Variants in PSME4 observed in about 807,000 individuals in gnomAD.
PSME4 encodes the protein proteasome activator complex subunit 4.
In PSME4, 89 loss-of-function variants were observed where a neutral mutation model predicts 253.9. The ratio of observed to expected loss-of-function variants is 0.35; its 90% CI spans 0.30 to 0.42. The LOEUF is 0.42. PSME4 is among the 10% of genes least tolerant of loss of function. The pLI, the probability that PSME4 is intolerant of heterozygous loss-of-function variation, is 1.00. For missense variants in PSME4, 2,014 were observed against 2,195.2 expected, an observed-to-expected ratio of 0.92 and a Z score of 1.65; for synonymous variants, 851 against 759.2, an observed-to-expected ratio of 1.12 and a Z score of -1.99.
chr2:53,872,186 C>A (rs1485260609), intron 43 of PSME4, among the ~76,000 whole-genome samples: 2 of 152,152 alleles, frequency 1.3e-5, no homozygotes, highest in Non-Finnish European at 2.9e-5. Flanking sequence ...ATATTTTACT[C>A]CAGGGTACAT....
rs1314518096 is a variant in PSME4, at chr2:53,873,247, AG to A, written c.5100+1091del. 2.6e-3 allele frequency among the ~76,000 whole-genome samples: 391 copies of A among 149,774 alleles called. 4 individuals are homozygous for A. Among genetic ancestry groups the A allele is most frequent in the Non-Finnish European group, 5.0e-3 (336 of 67,008 alleles). On this transcript the variant is annotated intron_variant, in intron 43 of 46. Coordinates refer to ENST00000404125, the MANE Select transcript of PSME4 (RefSeq NM_014614.3). ...CAGCGAGACTCCGTCTCAAAAAAAA[AG>A]AAAAAAAAAAACAGTTGTTATAACC...
At position 53,953,378 on chromosome 2, in the gene PSME4, G is replaced by T. The variant is rs570361424; in HGVS notation, c.243-4095C>A. ...CAATTAAAAATGGGCAAAAAGGCTGGGCGTAGTATACCTGTAATCCCAGCA... is the reference window on the plus strand; with the variant it reads ...CAATTAAAAATGGGCAAAAAGGCTGTGCGTAGTATACCTGTAATCCCAGCA... On this transcript the variant is annotated intron_variant, in intron 1 of 46. Transcript: ENST00000404125. 1.0e-3 allele frequency among the ~76,000 whole-genome samples: 155 copies of T among 151,472 alleles called. 1 individual carries two copies. The highest frequency in any genetic ancestry group is 3.5e-3 in the African/African-American group (146 of 41,292).
chr2:53,893,921 A>G, intron 34 of PSME4, 122 bp from the exon 35 acceptor site: 4 of 1,369,498 alleles, frequency 2.9e-6, no homozygotes, highest in Non-Finnish European at 3.8e-6. Flanking sequence ...GTTTCCATGA[A>G]TTCTTAGTTC....
At position 53,883,450 on chromosome 2, in the gene PSME4, T is replaced by C. The variant is rs534891443; in HGVS notation, c.4815+2240A>G. 6.8e-4 allele frequency among the ~76,000 whole-genome samples: 103 copies of C among 152,222 alleles called. 1 individual carries two copies. Among genetic ancestry groups the C allele is most frequent in the African/African-American group, 2.1e-3 (87 of 41,544 alleles). ...AGGAGATTGACGCTGCAGTGAGCCA[T>C]GACTGCACCACTGCAGTGAGACTGT... On this transcript the variant is annotated intron_variant, in intron 41 of 46. Coordinates refer to ENST00000404125, the MANE Select transcript of PSME4 (RefSeq NM_014614.3).
intron 20 of PSME4, among the ~76,000 whole-genome samples, chr2:53,914,675 G>C (rs1341082896): frequency 6.6e-6 from 1 of 152,112 alleles, no homozygotes; most frequent in Non-Finnish European, 1.5e-5. Context: ...AAGGTCAGGA[G>C]TTCAAGACCA....
intron 43 of PSME4, chr2:53,870,805 T>C (rs944569804): frequency 8.5e-5 from 13 of 152,152 alleles, no homozygotes; most frequent in African/African-American, 2.9e-4. Flanking sequence ...TATTTTTTTA[T>C]TTTTTGTAGA....
chr2:53,966,489 C>T (rs1001940934), intron 1 of PSME4, among the ~76,000 whole-genome samples: 2 of 151,836 alleles, frequency 1.3e-5, no homozygotes, highest in African/African-American at 4.8e-5. Flanking sequence ...TGGGGAAACC[C>T]TGTCTCTACT....
At chr2:53,945,625 T>C (rs1669665634) in intron 3 of PSME4, among the ~76,000 whole-genome samples, 1 of 152,212 alleles carries the variant, frequency 6.6e-6, no homozygotes, top group Non-Finnish European at 1.5e-5. Context: ...AACTAGCTTT[T>C]AAAATCATGT....
intron 1 of PSME4, among the ~76,000 whole-genome samples, chr2:53,959,084 G>C (rs1160570632): frequency 1.3e-5 from 2 of 152,234 alleles, no homozygotes; most frequent in East Asian, 3.8e-4. Flanking sequence ...TGGGAAGCCA[G>C]GGCAGGTGGA....
chr2:53,957,269 T>G (rs1024611935), intron 1 of PSME4, among the ~76,000 whole-genome samples: 1 of 152,206 alleles, frequency 6.6e-6, no homozygotes, highest in Admixed American at 6.5e-5. Flanking sequence ...TTGGGATGAT[T>G]TGAGGACATT....
intron 16 of PSME4, 111 bp downstream of exon 16, chr2:53,922,938 A>T (rs1668390853): frequency 1.1e-6 from 1 of 934,118 alleles, no homozygotes; most frequent in African/African-American, 1.7e-5. Flanking sequence ...CCAAATTGCC[A>T]ATCAAAATAT....
intron 34 of PSME4, among the ~76,000 whole-genome samples, chr2:53,894,117 T>G (rs1237807591): frequency 2.0e-5 from 3 of 152,028 alleles, no homozygotes; most frequent in Admixed American, 1.3e-4. Context: ...TTTGTTAAAA[T>G]CCCCAAAACT....
chr2:53,893,068 C>A, intron 35 of PSME4, 108 bp from the exon 36 acceptor site: 1 of 907,866 alleles, frequency 1.1e-6, no homozygotes, highest in Non-Finnish European at 1.6e-6. Flanking sequence ...GCTCCAAGCA[C>A]ACTCCCCTTT....
chr2:53,921,213 C>T (rs1165603891), intron 17 of PSME4, 109 bp from the exon 18 acceptor site: 1 of 1,484,512 alleles, frequency 6.7e-7, no homozygotes, highest in Non-Finnish European at 9.0e-7. Flanking sequence ...CTCTAAATGA[C>T]TTTAATTAAT....
At chr2:53,908,663 C>T (rs944740593) in intron 22 of PSME4, 98 bp from the exon 23 acceptor site, 32 of 1,454,510 alleles carry the variant, frequency 2.2e-5, no homozygotes, top group Non-Finnish European at 2.9e-5. Context: ...AAAAAAATCA[C>T]TGCCCAATAT....
chr2:53,931,076 G>A (rs1390375179), intron 10 of PSME4, among the ~76,000 whole-genome samples: 1 of 152,122 alleles, frequency 6.6e-6, no homozygotes, highest in Non-Finnish European at 1.5e-5. Flanking sequence ...TCAGGAGTTC[G>A]AAACCAGCCT....
chr2:53,921,793 G>A (rs564657239), intron 17 of PSME4, among the ~76,000 whole-genome samples: 1,976 of 138,294 alleles, frequency 0.014, 20 homozygotes, highest in Middle Eastern at 0.05. Flanking sequence ...GCGTGAACCC[G>A]GGAGGCGGAG....
chr2:53,964,930 C>T (rs1670645939), intron 1 of PSME4, among the ~76,000 whole-genome samples: 1 of 152,114 alleles, frequency 6.6e-6, no homozygotes, highest in Admixed American at 6.5e-5. Context: ...TAAAGGGTGC[C>T]ACAGTTTTAA....
chr2:53,956,257 G>T (rs1372069142), intron 1 of PSME4, among the ~76,000 whole-genome samples: 1 of 151,990 alleles, frequency 6.6e-6, no homozygotes, highest in Non-Finnish European at 1.5e-5. Context: ...GGCTGGGCCT[G>T]GTGGCTCAGG....
Sources: gnomAD v4.1 joint callset for allele counts (sites outside exome capture counted in the v4.1 genomes callset) on GRCh38, gnomAD v4.1.1 for gene constraint, MANE v1.5 for transcripts, NCBI Gene and HGNC (gene_info 2026-07-23, HGNC 2026-07-21) for gene names.